HSD17B3: variants seen among roughly 807,000 people sequenced by gnomAD.
The protein encoded by HSD17B3 is hydroxysteroid 17-beta dehydrogenase 3.
HSD17B3 carries 29 observed loss-of-function variants against 41.1 expected under a neutral mutation model. The ratio of observed to expected loss-of-function variants is 0.71; its 90% CI spans 0.53 to 0.96. The LOEUF is 0.96. Among genes scored for constraint, HSD17B3 ranks in the 40% least tolerant of loss-of-function variants. The pLI, the probability that HSD17B3 is intolerant of heterozygous loss-of-function variation, is 0.00. For synonymous variants in HSD17B3, 126 were observed against 145.6 expected (o/e 0.87, Z 0.97); for missense variants, 323 against 374.6 (o/e 0.86, Z 1.14).
chr9:96,273,357 T>C (rs532828726), intron 2 of HSD17B3, among the ~76,000 whole-genome samples: 2 of 152,238 alleles, frequency 1.3e-5, no homozygotes, highest in Admixed American at 1.3e-4. Context: ...AAACTGAGGA[T>C]GAACACATAG....
At chr9:96,285,251 T>C (rs1223681571) in intron 2 of HSD17B3, among the ~76,000 whole-genome samples, 1 of 152,236 alleles carries the variant, frequency 6.6e-6, no homozygotes, top group African/African-American at 2.4e-5. Context: ...GATTTGTCTT[T>C]ACTAAAAATG....
intron 2 of HSD17B3, among the ~76,000 whole-genome samples, chr9:96,257,033 G>T (rs1444054927): frequency 6.6e-6 from 1 of 152,084 alleles, no homozygotes; most frequent in African/African-American, 2.4e-5. Context: ...TGCTGCTCCA[G>T]GCATGAGAAG....
intron 1 of HSD17B3, among the ~76,000 whole-genome samples, chr9:96,300,924 CAAT>C: frequency 2.0e-5 from 3 of 152,152 alleles, no homozygotes; most frequent in Middle Eastern, 3.4e-3. Flanking sequence ...TTTTTTAATA[CAAT>C]GAGTTAAAAT....
chr9:96,291,915 C>T (rs1381461074), intron 2 of HSD17B3, among the ~76,000 whole-genome samples: 1 of 151,890 alleles, frequency 6.6e-6, no homozygotes, highest in Non-Finnish European at 1.5e-5. Context: ...CAAGATCGCA[C>T]CATTGCACTC....
intron 10 of HSD17B3, 49 bp downstream of exon 10, chr9:96,240,709 T>C (rs2130704367): frequency 6.2e-7 from 1 of 1,604,808 alleles, no homozygotes; most frequent in African/African-American, 1.3e-5. Flanking sequence ...CAGGGCCACC[T>C]GCGTGTCCTC....
intron 2 of HSD17B3, among the ~76,000 whole-genome samples, chr9:96,288,656 G>A (rs1827023037): frequency 6.6e-6 from 1 of 151,992 alleles, no homozygotes; most frequent in Non-Finnish European, 1.5e-5. Flanking sequence ...AAAAAATTAG[G>A]CCAGGCTCGG....
chr9:96,238,170 T>A (rs1836300747), intron 10 of HSD17B3, among the ~76,000 whole-genome samples: 1 of 152,148 alleles, frequency 6.6e-6, no homozygotes, highest in Admixed American at 6.5e-5. Context: ...TGTGTCAAGA[T>A]AAAATAAAAT....
At chr9:96,292,883 T>C (rs73547766) in intron 2 of HSD17B3, among the ~76,000 whole-genome samples, 5,888 of 152,310 alleles carry the variant, frequency 0.039, 393 homozygotes, top group African/African-American at 0.14. Context: ...AGTGCCACAG[T>C]ATTTTTCAAG....
chr9:96,257,960 G>C (rs536924078), intron 2 of HSD17B3, among the ~76,000 whole-genome samples: 2 of 152,052 alleles, frequency 1.3e-5, no homozygotes, highest in Admixed American at 1.3e-4. Flanking sequence ...CACCCCACCC[G>C]GCCCCTTTAT....
intron 2 of HSD17B3, among the ~76,000 whole-genome samples, chr9:96,266,952 C>T (rs901365889): frequency 2.6e-5 from 4 of 152,048 alleles, no homozygotes; most frequent in Non-Finnish European, 2.9e-5. Context: ...GAGGCACTTG[C>T]TTAGGACTCC....
intron 2 of HSD17B3, among the ~76,000 whole-genome samples, chr9:96,283,931 A>G (rs1055182075): frequency 1.3e-5 from 2 of 152,132 alleles, no homozygotes; most frequent in Admixed American, 6.6e-5. Context: ...TGAACCAGTA[A>G]AAGTCTAAAG....
intron 2 of HSD17B3, among the ~76,000 whole-genome samples, chr9:96,276,132 A>AC: frequency 6.7e-6 from 1 of 149,342 alleles, no homozygotes; most frequent in East Asian, 2.0e-4. Context: ...AAAAAAAAAA[A>AC]CAGAAGAAAG....
chr9:96,241,944 A>G (rs1450227362), intron 9 of HSD17B3, among the ~76,000 whole-genome samples: 29 of 148,042 alleles, frequency 2.0e-4, no homozygotes, highest in African/African-American at 7.0e-4. Context: ...TCAAAAAAAA[A>G]AAAAGAAAAG....
intron 2 of HSD17B3, among the ~76,000 whole-genome samples, chr9:96,284,577 C>G (rs1187986965): frequency 6.6e-6 from 1 of 152,220 alleles, no homozygotes; most frequent in Non-Finnish European, 1.5e-5. Flanking sequence ...AGGAATCATA[C>G]TTGACTTGTA....
rs143401138 is a variant in HSD17B3, at chr9:96,254,869, G to T, written c.276C>A (p.Ile92=). The T allele has an allele frequency of 1.2e-6, 2 of 1,613,580 alleles. No homozygotes were observed. The highest frequency in any genetic ancestry group is 4.5e-5 in the East Asian group (2 of 44,882). ...TCCCTTATTTGGGGGGTCACTCACC[G>T]ATCTCTGTGGCAATGGCCTCTAGTT... is the stretch of plus-strand genomic sequence containing the variant. ...LEKLEAIATE[I]ERTTGRSVKI... The change falls in exon 3 of 11, where the codon ATC becomes ATA. Residue 92 remains isoleucine, a splice_region_variant and synonymous_variant. Transcript: ENST00000375263.
rs147063039 is a variant in HSD17B3, at chr9:96,291,514, C to T, written c.201+6902G>A. Reference sequence around the variant, plus strand: ...TTAAATAAGATCCAGAGTCCCATAACGTAAAACCAAAATGTTGAGGATTCA... The same window carrying T: ...TTAAATAAGATCCAGAGTCCCATAATGTAAAACCAAAATGTTGAGGATTCA... On this transcript the variant is annotated intron_variant, in intron 2 of 10. Transcript: ENST00000375263. Among the ~76,000 whole-genome samples the T allele has an allele frequency of 6.3e-3, 961 of 152,242 alleles. 15 individuals carry two copies. Among genetic ancestry groups the T allele is most frequent in the African/African-American group, 0.02 (851 of 41,536 alleles).
At chr9:96,240,349 G>A (rs1016134666) in intron 10 of HSD17B3, among the ~76,000 whole-genome samples, 3 of 152,196 alleles carry the variant, frequency 2.0e-5, no homozygotes, top group Non-Finnish European at 4.4e-5. Flanking sequence ...TATTTATACC[G>A]TGGAAGTCAA....
chr9:96,263,753 TAA>T (rs1281684880), intron 2 of HSD17B3, among the ~76,000 whole-genome samples: 3 of 151,662 alleles, frequency 2.0e-5, no homozygotes, highest in Admixed American at 6.6e-5. Flanking sequence ...AAAATAAAAA[TAA>T]AAATAAGCTA....
At chr9:96,285,885 A>G (rs1302339193) in intron 2 of HSD17B3, among the ~76,000 whole-genome samples, 2 of 152,044 alleles carry the variant, frequency 1.3e-5, no homozygotes, top group East Asian at 1.9e-4. Flanking sequence ...AGGGAGGGGA[A>G]AAATGTCAGA....
Sources: allele counts gnomAD v4.1 joint callset (sites outside exome capture counted in the v4.1 genomes callset), GRCh38; gene constraint gnomAD v4.1.1; transcripts MANE v1.5; gene names NCBI Gene and HGNC (gene_info 2026-07-23, HGNC 2026-07-21).